NRK: variants seen among roughly 807,000 people sequenced by gnomAD.
NRK encodes Nik related kinase.
Under a neutral mutation model 125.2 loss-of-function variants are expected in NRK, and 67 were observed. That is an observed-to-expected ratio of 0.54 (90% CI 0.44 to 0.66). NRK has a LOEUF of 0.66. Among genes scored for constraint, NRK ranks in the 30% least tolerant of loss-of-function variants. NRK has a pLI of 0.00. For missense variants in NRK, 1,224 were observed against 1,192.9 expected (o/e 1.03, Z -0.38); for synonymous variants, 458 against 429.0 (o/e 1.07, Z -0.84).
intron 2 of NRK, among the ~76,000 whole-genome samples, chrX:105,864,089 T>C (rs1447546236): frequency 8.9e-6 from 1 of 112,532 alleles, no homozygotes; most frequent in Non-Finnish European, 1.9e-5. Context: ...GCTATGACTT[T>C]ATTTGGAATG....
Position 105,933,687 on chromosome X carries a change from A to G in NRK, c.3313-571A>G, listed in dbSNP as rs758241054. 1.1e-3 allele frequency among the ~76,000 whole-genome samples: 123 copies of G among 111,420 alleles called. 1 individual carries two copies. The highest frequency in any genetic ancestry group is 4.8e-4 in the Admixed American group (5 of 10,473). Reference sequence around the variant, plus strand: ...TGAAAATTATTTATGCAGGTTTTTCATGCTTTCAGTTTTGTGAAGATACCT... The same window carrying G: ...TGAAAATTATTTATGCAGGTTTTTCGTGCTTTCAGTTTTGTGAAGATACCT... On this transcript the variant is annotated intron_variant, in intron 19 of 28. Coordinates refer to ENST00000243300, the MANE Select transcript of NRK (RefSeq NM_198465.4).
chrX:105,876,534 T>A (rs1487700065), intron 2 of NRK, among the ~76,000 whole-genome samples: 1 of 111,104 alleles, frequency 9.0e-6, no homozygotes, highest in Non-Finnish European at 1.9e-5. Flanking sequence ...GCCCAAAAAA[T>A]CCACATTTAT....
chrX:105,923,813 G>A (rs1822301574), intron 18 of NRK, among the ~76,000 whole-genome samples: 1 of 103,156 alleles, frequency 9.7e-6, no homozygotes, highest in East Asian at 3.0e-4. Flanking sequence ...CAAAGAAAGT[G>A]TGTAACTTAA....
At chrX:105,943,793 G>A (rs1380770255) in intron 23 of NRK, 148 bp from the exon 24 acceptor site, 2 of 399,467 alleles carry the variant, frequency 5.0e-6, no homozygotes, top group Non-Finnish European at 4.4e-6. Context: ...CCTTTTTGTG[G>A]GCATCAAATT....
At chrX:105,952,078 T>C (rs2147802888) in intron 27 of NRK, among the ~76,000 whole-genome samples, 1 of 112,333 alleles carries the variant, frequency 8.9e-6, no homozygotes, top group Admixed American at 9.4e-5. Flanking sequence ...ATAACCATTT[T>C]TCTTAGTCAA....
intron 2 of NRK, among the ~76,000 whole-genome samples, chrX:105,837,758 T>A (rs1259852760): frequency 9.0e-6 from 1 of 111,357 alleles, no homozygotes; most frequent in Non-Finnish European, 1.9e-5. Flanking sequence ...AGTTTATGGG[T>A]CGTCATTTTA....
At chrX:105,886,995 A>G (rs905124296) in intron 4 of NRK, among the ~76,000 whole-genome samples, 16 of 111,463 alleles carry the variant, frequency 1.4e-4, no homozygotes, top group African/African-American at 5.2e-4. Context: ...TTAGAAGAAA[A>G]CAAGGATAAA....
chrX:105,822,937 T>C (rs1361145308), intron 1 of NRK, 35 bp downstream of exon 1: 2 of 1,116,194 alleles, frequency 1.8e-6, no homozygotes, highest in Non-Finnish European at 2.4e-6. Context: ...CCCGAAATGC[T>C]CTCTTTTGGC....
At chrX:105,848,478 CTTATTA>C (rs1398677920) in intron 2 of NRK, among the ~76,000 whole-genome samples, 1 of 111,898 alleles carries the variant, frequency 8.9e-6, no homozygotes, top group Non-Finnish European at 1.9e-5. Flanking sequence ...AATAGCTATT[CTTATTA>C]TAACAGTGAA....
At chrX:105,908,681 A>G (rs1292817790) in intron 12 of NRK, 46 bp from the exon 13 acceptor site, 1 of 1,143,494 alleles carries the variant, frequency 8.7e-7, no homozygotes, top group Admixed American at 2.8e-5. Flanking sequence ...GCTCCATTCC[A>G]CTAAAAATTC....
chrX:105,945,662 AGTTCTT>A (rs1880267896), intron 24 of NRK, among the ~76,000 whole-genome samples: 1 of 111,689 alleles, frequency 9.0e-6, no homozygotes, highest in African/African-American at 3.3e-5. Context: ...CCTGATACAC[AGTTCTT>A]GTCCAAGTCC....
At chrX:105,885,817 T>A (rs1320035000) in intron 4 of NRK, among the ~76,000 whole-genome samples, 1 of 112,321 alleles carries the variant, frequency 8.9e-6, no homozygotes, top group Non-Finnish European at 1.9e-5. Context: ...TATTTTGTGA[T>A]AATACATTGC....
chrX:105,869,064 A>G (rs1191972729), intron 2 of NRK, among the ~76,000 whole-genome samples: 2 of 111,232 alleles, frequency 1.8e-5, no homozygotes, highest in Non-Finnish European at 3.8e-5. Context: ...ATACATTAGT[A>G]TGGGAAGATT....
At chrX:105,851,667 G>A (rs887334586) in intron 2 of NRK, among the ~76,000 whole-genome samples, 1 of 111,724 alleles carries the variant, frequency 9.0e-6, no homozygotes, top group African/African-American at 3.3e-5. Flanking sequence ...TGAGAGGAGA[G>A]TTTTGTAACA....
Position 105,955,563 on chromosome X carries a change from G to C in NRK, c.4712G>C (p.Gly1571Ala). The C allele has an allele frequency of 8.4e-7, 1 of 1,184,360 alleles. No individual in the cohort carries two copies. The highest frequency in any genetic ancestry group is 1.1e-6 in the Non-Finnish European group (1 of 875,891). ...HHSRVYFMTL[G>A]KLEELQSNYD... ...AGCCGGGTTTACTTCATGACACTTG[G>C]AAAACTTGAAGAGCTCCAAAGCAAT... The change falls in exon 29 of 29, where the codon GGA becomes GCA. Residue 1571 changes from glycine (G) to alanine (A), a missense_variant. Physicochemically the swap from Gly to Ala is moderately conservative, Grantham distance 60. Coordinates refer to ENST00000243300, the MANE Select transcript of NRK (RefSeq NM_198465.4).
intron 1 of NRK, among the ~76,000 whole-genome samples, chrX:105,828,189 A>C (rs1007488510): frequency 8.9e-6 from 1 of 112,076 alleles, no homozygotes; most frequent in Non-Finnish European, 1.9e-5. Flanking sequence ...AGCATATAGA[A>C]CTAAAGAAAA....
chrX:105,916,345 C>T (rs1242087516), intron 15 of NRK, among the ~76,000 whole-genome samples: 2 of 110,858 alleles, frequency 1.8e-5, no homozygotes, highest in Admixed American at 9.6e-5. Flanking sequence ...TCAAAGATCA[C>T]GTTCCATATG....
chrX:105,823,011 G>C, intron 1 of NRK, 109 bp downstream of exon 1: 1 of 721,547 alleles, frequency 1.4e-6, no homozygotes, highest in South Asian at 3.0e-5. Context: ...GGACTTCGAC[G>C]GGTCCCCCGG....
In NRK at chrX:105,880,212, A is replaced by G. The variant is rs1403775845; in HGVS notation, c.137A>G (p.Lys46Arg). Reference protein sequence around the residue: ...YGRIYLGLHEKTGAFTAVKVM... With the variant: ...YGRIYLGLHERTGAFTAVKVM... ...CCTGTATTTCAGGGACTTCATGAGAAGACTGGTGCATTTACAGCTGTTAAA... is the reference window on the plus strand; with the variant it reads ...CCTGTATTTCAGGGACTTCATGAGAGGACTGGTGCATTTACAGCTGTTAAA... Residue 46 changes from lysine (K) to arginine (R), a missense_variant, in exon 3 of 29, where the codon AAG becomes AGG. By Grantham distance (26) the Lys-to-Arg change is conservative. Coordinates refer to ENST00000243300, the MANE Select transcript of NRK (RefSeq NM_198465.4). 2 of 1,082,619 alleles carry G rather than the reference A, an allele frequency of 1.8e-6. No homozygotes were observed. Among genetic ancestry groups the G allele is most frequent in the Non-Finnish European group, 1.2e-6 (1 of 808,476 alleles). The allele number at this position is 1,082,619 out of a possible 1,213,427, so 89.2% of individuals were successfully genotyped here.
Sources: gnomAD v4.1 joint callset for allele counts (sites outside exome capture counted in the v4.1 genomes callset) on GRCh38, gnomAD v4.1.1 for gene constraint, MANE v1.5 for transcripts, NCBI Gene and HGNC (gene_info 2026-07-23, HGNC 2026-07-21) for gene names.